The following ZBTB25 variants were observed in gnomAD, a reference collection of about 807,000 sequenced individuals.
ZBTB25 encodes the protein zinc finger and BTB domain containing 25.
In ZBTB25, 20 loss-of-function variants were observed where a neutral mutation model predicts 34.2. The observed-to-expected ratio is 0.58, with a 90% confidence interval of 0.41 to 0.85. ZBTB25 has a LOEUF of 0.85. Among genes scored for constraint, ZBTB25 ranks in the 40% least tolerant of loss-of-function variants. The pLI is 0.00. For synonymous variants in ZBTB25, 175 were observed against 186.4 expected (o/e 0.94, Z 0.50); for missense variants, 437 against 521.8 (o/e 0.84, Z 1.58).
chr14:64,457,854 C>A, intron 2 of ZBTB25: 1 of 341,134 alleles, frequency 2.9e-6, no homozygotes, highest in Admixed American at 4.2e-5. Context: ...GATGTTCTAT[C>A]TTTATGCCTT....
At chr14:64,470,689 C>T (rs1266291174) in intron 2 of ZBTB25, 1 of 166,174 alleles carries the variant, frequency 6.0e-6, no homozygotes, top group Non-Finnish European at 1.5e-5. Context: ...GTGGGTTTTT[C>T]CCCCGCTTTT....
At chr14:64,502,660 G>A (rs1316846907) in intron 1 of ZBTB25, 34 of 985,256 alleles carry the variant, frequency 3.5e-5, no homozygotes, top group South Asian at 4.7e-5. Flanking sequence ...GACCTCCGCC[G>A]GATACATTCT....
intron 1 of ZBTB25, among the ~76,000 whole-genome samples, chr14:64,492,136 A>AAAAAAAAAAAAC: frequency 6.6e-6 from 1 of 150,796 alleles, no homozygotes; most frequent in Non-Finnish European, 1.5e-5. Context: ...AAAAAAAAAA[A>AAAAAAAAAAAAC]AAAGGCAGAC....
In ZBTB25 at chr14:64,460,057, C is replaced by T. The variant is rs994345594; in HGVS notation, c.174-10419G>A. On this transcript the variant is annotated intron_variant, in intron 2 of 2. Coordinates refer to the ZBTB25 transcript ENST00000555220. ...CCTTAACAGACTGTGCCACAGGTCT[C>T]TGCCATCCTTTGTGAGCTCATTTGT... is the stretch of plus-strand genomic sequence containing the variant. The T allele has an allele frequency of 3.1e-5, 25 of 795,770 alleles. No individual in the cohort carries two copies. In the African/African-American group the frequency reaches 4.4e-4, roughly 14 times the overall value. The allele number at this position is 795,770 out of a possible 1,614,324, so 49.3% of individuals were successfully genotyped here. A position where few individuals can be genotyped will look rare whatever the true frequency, so the allele number is the denominator to read the frequency against.
chr14:64,469,341 A>C (rs1411815356), intron 2 of ZBTB25: 28 of 1,613,832 alleles, frequency 1.7e-5, no homozygotes, highest in Non-Finnish European at 2.2e-5. Context: ...CAAGAATCAG[A>C]TTTTAAAGAA....
At chr14:64,501,246 C>A (rs1236665716) in intron 1 of ZBTB25, among the ~76,000 whole-genome samples, 2 of 152,128 alleles carry the variant, frequency 1.3e-5, no homozygotes, top group Admixed American at 6.6e-5. Context: ...ATACTATATG[C>A]GAGGCCTTGT....
intron 1 of ZBTB25, among the ~76,000 whole-genome samples, chr14:64,497,069 T>G (rs1360919484): frequency 6.6e-6 from 1 of 152,152 alleles, no homozygotes; most frequent in African/African-American, 2.4e-5. Flanking sequence ...ATCTAGAACT[T>G]TCAACATTTA....
At chr14:64,476,351 A>C (rs372542726), downstream of ZBTB25, among the ~76,000 whole-genome samples, 1 of 152,274 alleles carries the variant, frequency 6.6e-6, no homozygotes, top group African/African-American at 2.4e-5. Flanking sequence ...TTTGAGACGA[A>C]GTCTCGTTCT....
rs945589340 is a variant in ZBTB25, at chr14:64,458,374, C to T, written c.174-8736G>A. 4 of 993,982 alleles carry T rather than the reference C, an allele frequency of 4.0e-6. No individual in the cohort carries two copies. In the African/African-American group the frequency reaches 6.4e-5, roughly 16 times the overall value. 61.6% of individuals were successfully genotyped at this position (993,982 alleles called of 1,614,324 possible). A position where few individuals can be genotyped will look rare whatever the true frequency, so the allele number is the denominator to read the frequency against. Reference sequence around the variant, plus strand: ...TAGCTTATTTATGAATTATAGGGCTCAAACTGACGCTATAAAAATTCACAT... The same window carrying T: ...TAGCTTATTTATGAATTATAGGGCTTAAACTGACGCTATAAAAATTCACAT... On this transcript the variant is annotated intron_variant, in intron 2 of 2. Transcript: ENST00000555220.
intron 2 of ZBTB25, chr14:64,468,497 C>G: frequency 1.2e-6 from 2 of 1,614,062 alleles, no homozygotes; most frequent in Non-Finnish European, 1.7e-6. Flanking sequence ...GGCATCCATG[C>G]TTTGCTTCAA....
rs1038599258 is a variant in ZBTB25, at chr14:64,479,713, C to T, written c.*7210G>A. The T allele has an allele frequency of 2.6e-5, 4 of 152,184 alleles. No homozygotes were observed. The highest frequency in any genetic ancestry group is 2.0e-4 in the Admixed American group (3 of 15,274). 9.4% of individuals were successfully genotyped at this position (152,184 alleles called of 1,614,324 possible). ...GACCCAAATGGAAACATCAGCTCTT[C>T]TTGAGTTTCAAGCCTGCCAGCTTTT... On this transcript the variant is annotated 3_prime_UTR_variant, in exon 3 of 3. Coordinates refer to ENST00000608382, the MANE Select transcript of ZBTB25 (RefSeq NM_006977.5).
chr14:64,500,872 G>A (rs183251148), intron 1 of ZBTB25, among the ~76,000 whole-genome samples: 44 of 152,296 alleles, frequency 2.9e-4, no homozygotes, highest in African/African-American at 7.9e-4. Flanking sequence ...CCAACATGGC[G>A]AAACCCTGTC....
At chr14:64,501,804 C>T (rs1377330949) in intron 1 of ZBTB25, among the ~76,000 whole-genome samples, 1 of 152,220 alleles carries the variant, frequency 6.6e-6, no homozygotes, top group Non-Finnish European at 1.5e-5. Flanking sequence ...GGCTCCTTCA[C>T]ATTCCCCTCA....
In ZBTB25 at chr14:64,486,925, A is replaced by G; in HGVS notation, c.1306T>C (p.Ter436GlnextTer23). 2 of 1,553,234 alleles carry G rather than the reference A, an allele frequency of 1.3e-6. No homozygotes were observed. The highest frequency in any genetic ancestry group is 1.7e-6 in the Non-Finnish European group (2 of 1,148,840). The change falls in exon 3 of 3, where the codon TAG becomes CAG. Residue 436 changes from the stop codon to glutamine (Q), a stop_lost. Transcript: ENST00000608382. ...TAAAAATTCTGAAAGAGAAGCTGCT[A>G]CTCAACTAGGATAGTATCCACATTT... is the stretch of plus-strand genomic sequence containing the variant. ...QENVDTILVE[*>Q]
In ZBTB25 at chr14:64,484,207, C is replaced by T. The variant is rs1475927184; in HGVS notation, c.*2716G>A. On this transcript the variant is annotated 3_prime_UTR_variant, in exon 3 of 3. Coordinates refer to ENST00000608382, the MANE Select transcript of ZBTB25 (RefSeq NM_006977.5). ...ATACAGTTAACCACTATTTTCTTAACTCTCAACGAACAGATATATTTCTGC... is the reference window on the plus strand; with the variant it reads ...ATACAGTTAACCACTATTTTCTTAATTCTCAACGAACAGATATATTTCTGC... The T allele has an allele frequency of 2.0e-5, 3 of 152,196 alleles. No homozygotes were observed. Among genetic ancestry groups the T allele is most frequent in the African/African-American group, 7.2e-5 (3 of 41,430 alleles). The allele number at this position is 152,196 out of a possible 1,614,324, so 9.4% of individuals were successfully genotyped here. A position where few individuals can be genotyped will look rare whatever the true frequency, so the allele number is the denominator to read the frequency against.
At chr14:64,466,117 T>C (rs985295470) in intron 2 of ZBTB25, among the ~76,000 whole-genome samples, 7 of 152,158 alleles carry the variant, frequency 4.6e-5, no homozygotes, top group Non-Finnish European at 1.0e-4. Context: ...GGGTACTGGC[T>C]GCTCAAGGGA....
chr14:64,452,850 A>G (rs1410112744), intron 2 of ZBTB25, among the ~76,000 whole-genome samples: 1 of 152,058 alleles, frequency 6.6e-6, no homozygotes, highest in African/African-American at 2.4e-5. Flanking sequence ...CAGTATTAGA[A>G]TAGAACATCT....
At position 64,479,003 on chromosome 14, in the gene ZBTB25, T is replaced by A. The variant is rs915575241; in HGVS notation, c.*7920A>T. 9 of 152,232 alleles carry A rather than the reference T, an allele frequency of 5.9e-5. No homozygotes were observed. The highest frequency in any genetic ancestry group is 1.9e-4 in the African/African-American group (8 of 41,460). 9.4% of individuals were successfully genotyped at this position (152,232 alleles called of 1,614,324 possible). On this transcript the variant is annotated 3_prime_UTR_variant, in exon 3 of 3. Transcript: ENST00000608382. The stretch of plus-strand genomic sequence containing the variant: ...AAACTGTCTTGCTGATTAATACATC[T>A]CTGATTTTTAATAATCACATTTTTT...
chr14:64,499,314 C>T (rs1038959626), intron 1 of ZBTB25: 2 of 152,112 alleles, frequency 1.3e-5, no homozygotes, highest in Non-Finnish European at 2.9e-5. Flanking sequence ...GTGGCTCGCT[C>T]CCAGCACTTT....
Sources: allele counts gnomAD v4.1 joint callset (sites outside exome capture counted in the v4.1 genomes callset), GRCh38; gene constraint gnomAD v4.1.1; transcripts MANE v1.5; gene names NCBI Gene and HGNC (gene_info 2026-07-23, HGNC 2026-07-21).